PHLDB2: variants seen among roughly 807,000 people sequenced by gnomAD.
PHLDB2 encodes the protein pleckstrin homology like domain family B member 2.
A neutral mutation model predicts 123.6 loss-of-function variants in PHLDB2; 71 were observed. The observed-to-expected ratio is 0.57, with a 90% CI of 0.47 to 0.70. The LOEUF (loss-of-function observed/expected upper bound fraction) is 0.70, where lower values mean the gene tolerates loss of function less well. Ranked by LOEUF, PHLDB2 falls within the 30% of genes least tolerant of loss-of-function variation. PHLDB2 has a pLI of 0.00. For synonymous variants in PHLDB2, 547 were observed against 541.6 expected (o/e 1.01, Z -0.14); for missense variants, 1,446 against 1,519.5 (o/e 0.95, Z 0.80).
At chr3:111,845,315 A>T (rs2063909258) in intron 1 of PHLDB2, among the ~76,000 whole-genome samples, 1 of 124,906 alleles carries the variant, frequency 8.0e-6, no homozygotes, top group Non-Finnish European at 1.6e-5. Context: ...AGATCACGCC[A>T]CTGCACTCCA....
intron 1 of PHLDB2, among the ~76,000 whole-genome samples, chr3:111,864,074 G>C (rs1460205472): frequency 2.0e-5 from 3 of 152,114 alleles, no homozygotes; most frequent in Non-Finnish European, 4.4e-5. Flanking sequence ...TGTTAAGATA[G>C]TTTCTTATCA....
chr3:111,871,009 AT>A (rs566122968), intron 1 of PHLDB2, among the ~76,000 whole-genome samples: 422 of 150,258 alleles, frequency 2.8e-3, no homozygotes, highest in Middle Eastern at 0.021. Flanking sequence ...CCAAACCCTA[AT>A]TTTTTTTTTG....
rs371005867 is a variant in PHLDB2 at position 111,868,657 on chromosome 3, A to G, written c.-15+9081A>G. ...TATATGTGTGTGTATATATATTTCA[A>G]TACTTATTGATATTGTCTCCTTTAA... is the stretch of plus-strand genomic sequence containing the variant. On this transcript the variant is annotated intron_variant, in intron 1 of 17. Coordinates refer to ENST00000431670, the MANE Select transcript of PHLDB2 (RefSeq NM_001134438.2). Among the ~76,000 whole-genome samples, 155 of 152,278 alleles carry G rather than the reference A, an allele frequency of 1.0e-3. No individual in the cohort carries two copies. In the South Asian group the frequency reaches 0.032, roughly 31 times the overall value.
At position 111,831,025 on chromosome 3, in the gene PHLDB2, GAAA is replaced by G. The variant is rs1559855339; in HGVS notation, c.-48-14795_-48-14793del. Among the ~76,000 whole-genome samples the G allele has an allele frequency of 7.4e-4, 71 of 95,984 alleles. 6 individuals carry two copies. The highest frequency in any genetic ancestry group is 3.0e-3 in the African/African-American group (66 of 21,828). The allele number at this position is 95,984 out of a possible 152,430, so 63.0% of individuals were successfully genotyped here. ...AGAAAGAAAGAAAGAAAGAAAGAAA[GAAA>G]GAAAGGAAGGAAGGAAGAAAGAGAA... On this transcript the variant is annotated intron_variant, in intron 1 of 17. Coordinates refer to the PHLDB2 transcript ENST00000393923.
intron 1 of PHLDB2, chr3:111,859,783 G>T: frequency 2.0e-6 from 2 of 985,564 alleles, no homozygotes; most frequent in Non-Finnish European, 2.4e-6. Flanking sequence ...AGGGGCCGGC[G>T]GGCTCACGGA....
At chr3:111,973,649 T>C (rs1287177421) in intron 16 of PHLDB2, 83 bp from the exon 17 acceptor site, 10 of 743,546 alleles carry the variant, frequency 1.3e-5, no homozygotes, top group South Asian at 6.3e-5. Flanking sequence ...GTAAATATTT[T>C]AATGATTATA....
chr3:111,820,678 G>A (rs2062328526), intron 1 of PHLDB2, among the ~76,000 whole-genome samples: 1 of 152,226 alleles, frequency 6.6e-6, no homozygotes, highest in Non-Finnish European at 1.5e-5. Flanking sequence ...CCTGAACAAG[G>A]AAGTTGGGCA....
chr3:111,828,373 A>G (rs1488604972), intron 1 of PHLDB2, among the ~76,000 whole-genome samples: 3 of 152,214 alleles, frequency 2.0e-5, no homozygotes, highest in East Asian at 3.8e-4. Flanking sequence ...CTTCCAGTCT[A>G]TCTGTCAATG....
At chr3:111,866,014 ATTTTTTTTTTT>A (rs61038523) in intron 1 of PHLDB2, among the ~76,000 whole-genome samples, 10 of 57,432 alleles carry the variant, frequency 1.7e-4, no homozygotes, top group Admixed American at 1.2e-3. Flanking sequence ...CCACCCACTC[ATTTTTTTTTTT>A]TTTTTTTTTT....
chr3:111,915,881 T>G (rs1460197956), intron 3 of PHLDB2: 1 of 152,272 alleles, frequency 6.6e-6, no homozygotes, highest in East Asian at 1.9e-4. Context: ...AATCAAAAGT[T>G]GTTGTTCAGG....
rs116754809 is a variant in PHLDB2, at chr3:111,864,859, C to G, written c.-15+5283C>G. ...TGGCCTTAAGCCAGGTCAGCTTTTTCTGAGACTTGCTGCTAATTCAGTGGG... is the reference window on the plus strand; with the variant it reads ...TGGCCTTAAGCCAGGTCAGCTTTTTGTGAGACTTGCTGCTAATTCAGTGGG... On this transcript the variant is annotated intron_variant, in intron 1 of 17. Coordinates refer to ENST00000431670, the MANE Select transcript of PHLDB2 (RefSeq NM_001134438.2). 3.4e-3 allele frequency among the ~76,000 whole-genome samples: 518 copies of G among 152,336 alleles called. 4 individuals carry two copies. The highest frequency in any genetic ancestry group is 0.012 in the African/African-American group (494 of 41,570).
chr3:111,882,505 C>G (rs2065978372), intron 1 of PHLDB2, among the ~76,000 whole-genome samples: 1 of 152,124 alleles, frequency 6.6e-6, no homozygotes, highest in Admixed American at 6.5e-5. Flanking sequence ...TTACCAAGAG[C>G]TAGATGGCAG....
chr3:111,826,629 A>G (rs1378722191), intron 1 of PHLDB2, among the ~76,000 whole-genome samples: 1 of 152,238 alleles, frequency 6.6e-6, no homozygotes, highest in Non-Finnish European at 1.5e-5. Context: ...TGAAAGCATG[A>G]TAACAGTAAA....
chr3:111,743,790 T>C (rs1412053660), intron 1 of PHLDB2, among the ~76,000 whole-genome samples: 1 of 152,244 alleles, frequency 6.6e-6, no homozygotes, highest in Non-Finnish European at 1.5e-5. Flanking sequence ...ACTTTCATCA[T>C]CTTAAGCAAT....
In PHLDB2 at chr3:111,792,438, G is replaced by A. The variant is rs571199240; in HGVS notation, c.-48-53383G>A. Among the ~76,000 whole-genome samples, 6 of 152,262 alleles carry A rather than the reference G, an allele frequency of 3.9e-5. 1 individual carries two copies. The highest frequency in any genetic ancestry group is 1.4e-4 in the African/African-American group (6 of 41,560). ...CAAGATCTGAGCACCAGGCATGGTG[G>A]CTCATGTCTTTAATCCCAGCACTTT... On this transcript the variant is annotated intron_variant, in intron 1 of 17. Transcript: ENST00000393923.
chr3:111,940,501 G>A (rs558949921), intron 7 of PHLDB2, 34 bp from the exon 8 acceptor site: 5 of 1,324,868 alleles, frequency 3.8e-6, no homozygotes, highest in East Asian at 4.8e-5. Context: ...AGTGTCTAAT[G>A]TACATCTTCC....
At chr3:111,969,394 C>T (rs930108964) in intron 15 of PHLDB2, among the ~76,000 whole-genome samples, 1 of 152,202 alleles carries the variant, frequency 6.6e-6, no homozygotes, top group African/African-American at 2.4e-5. Flanking sequence ...GAGCAAAGTA[C>T]ATCTTTTAAA....
At position 111,885,462 on chromosome 3, in the gene PHLDB2, T is replaced by C. The variant is rs779124420; in HGVS notation, c.1335+50T>C. The C allele has an allele frequency of 1.6e-5, 25 of 1,611,704 alleles. No individual in the cohort carries two copies. In the Admixed American group the frequency reaches 2.7e-4, roughly 17 times the overall value. ...GACCTCACTGTTTCATTAACCAGCA[T>C]CTACAGGGCAGCCTTGGAGATGGAC... On this transcript the variant is annotated intron_variant, in intron 2 of 17. Transcript: ENST00000431670.
Position 111,976,127 on chromosome 3 carries a change from C to A in PHLDB2, c.*1564C>A, listed in dbSNP as rs576840713. On this transcript the variant is annotated 3_prime_UTR_variant, in exon 18 of 18. Coordinates refer to ENST00000431670, the MANE Select transcript of PHLDB2 (RefSeq NM_001134438.2). ...TTTGTTGGTTAATGTAAAGATATGA[C>A]TTTTCTGCACTGTACTCTCTTCATA... The A allele has an allele frequency of 6.6e-6, 1 of 152,598 alleles. No individual in the cohort carries two copies. Among genetic ancestry groups the A allele is most frequent in the African/African-American group, 2.4e-5 (1 of 41,444 alleles). The allele number at this position is 152,598 out of a possible 1,614,324, so 9.5% of individuals were successfully genotyped here.
Sources: allele counts gnomAD v4.1 joint callset (sites outside exome capture counted in the v4.1 genomes callset), GRCh38; gene constraint gnomAD v4.1.1; transcripts MANE v1.5; gene names NCBI Gene and HGNC (gene_info 2026-07-23, HGNC 2026-07-21).